PCDHA10: variants seen among roughly 807,000 people sequenced by gnomAD.
The protein encoded by PCDHA10 is protocadherin alpha-10.
In PCDHA10, 45 loss-of-function variants were observed where a neutral mutation model predicts 61.2. That is an observed-to-expected ratio of 0.74 (90% CI 0.58 to 0.94). The LOEUF (loss-of-function observed/expected upper bound fraction) is 0.94, where lower values mean the gene tolerates loss of function less well. Among genes scored for constraint, PCDHA10 ranks in the 40% least tolerant of loss-of-function variants. The pLI is 0.00. For synonymous variants in PCDHA10, 602 were observed against 548.8 expected (o/e 1.10, Z -1.35); for missense variants, 1,278 against 1,236.2 (o/e 1.03, Z -0.51).
rs17119334 is a variant in PCDHA10, at chr5:140,988,093, G to A, written c.2536+5530G>A. On this transcript the variant is annotated intron_variant, in intron 3 of 3. Coordinates refer to ENST00000307360, the MANE Select transcript of PCDHA10 (RefSeq NM_018901.4). ...CTATTTCATGAGTGAGTGCAGCCTCGGGCCTTGTTGGAGAATTTAGAAAGC... is the reference window on the plus strand; with the variant it reads ...CTATTTCATGAGTGAGTGCAGCCTCAGGCCTTGTTGGAGAATTTAGAAAGC... Among the ~76,000 whole-genome samples the A allele has an allele frequency of 6.9e-3, 1,055 of 152,154 alleles. 47 individuals are homozygous for A. The East Asian group carries it at 0.14, about 21-fold the overall frequency.
chr5:140,874,053 CAATTT>C (rs1290519215), intron 1 of PCDHA10, among the ~76,000 whole-genome samples: 1 of 152,190 alleles, frequency 6.6e-6, no homozygotes, highest in Non-Finnish European at 1.5e-5. Flanking sequence ...TGATATTAGA[CAATTT>C]AAATAATTAG....
chr5:141,000,393 CTCTATATATATA>C (rs1208951211), intron 3 of PCDHA10, among the ~76,000 whole-genome samples: 9 of 52,848 alleles, frequency 1.7e-4, no homozygotes, highest in African/African-American at 6.4e-4. Context: ...CTCTCTCTCT[CTCTATATATATA>C]TATATATATA....
chr5:140,929,679 G>T lies in PCDHA10; in HGVS notation c.2389-49270G>T, dbSNP rs142104946. ...ATTTAAAGTGAAGAATGAAAAATAT[G>T]TAAGAGTCTGCTTTATATGAATATA... On this transcript the variant is annotated intron_variant, in intron 1 of 3. Coordinates refer to ENST00000307360, the MANE Select transcript of PCDHA10 (RefSeq NM_018901.4). 2.7e-3 allele frequency: 822 copies of T among 303,170 alleles called. 4 individuals are homozygous for T. Among genetic ancestry groups the T allele is most frequent in the African/African-American group, 0.017 (768 of 46,460 alleles). The allele number at this position is 303,170 out of a possible 1,614,324, so 18.8% of individuals were successfully genotyped here. A position where few individuals can be genotyped will look rare whatever the true frequency, so the allele number is the denominator to read the frequency against.
chr5:140,909,202 G>A (rs1849054), intron 1 of PCDHA10, among the ~76,000 whole-genome samples: 48,059 of 152,084 alleles, frequency 0.32, 7,957 homozygotes, highest in East Asian at 0.53. Context: ...ACACAAAGCC[G>A]GAGAGTTGAT....
chr5:140,873,437 T>C (rs1554166716), intron 1 of PCDHA10, among the ~76,000 whole-genome samples: 1 of 152,200 alleles, frequency 6.6e-6, no homozygotes, highest in Non-Finnish European at 1.5e-5. Flanking sequence ...TTATATCACA[T>C]AAATAACAAA....
chr5:140,999,180 GAGA>G (rs1554256675), intron 3 of PCDHA10, among the ~76,000 whole-genome samples: 1 of 152,238 alleles, frequency 6.6e-6, no homozygotes, highest in East Asian at 1.9e-4. Context: ...GCCTGATGGG[GAGA>G]GGGTCCTTGG....
chr5:140,931,047 C>G (rs969815598), intron 1 of PCDHA10, among the ~76,000 whole-genome samples: 5 of 152,166 alleles, frequency 3.3e-5, no homozygotes, highest in African/African-American at 9.6e-5. Context: ...AGAAAAACTT[C>G]AATGCTGTGT....
At chr5:140,882,267 C>A in intron 1 of PCDHA10, 1 of 1,610,288 alleles carries the variant, frequency 6.2e-7, no homozygotes, top group Non-Finnish European at 8.5e-7. Context: ...TTGGAGTGTA[C>A]CATGCTGTCT....
At chr5:140,877,097 T>G in intron 1 of PCDHA10, 1 of 1,613,308 alleles carries the variant, frequency 6.2e-7, no homozygotes. Context: ...GACGCCGGCG[T>G]GCCGCCTCTG....
At chr5:140,969,347 G>C (rs1554231707) in intron 1 of PCDHA10, 1 of 1,613,472 alleles carries the variant, frequency 6.2e-7, no homozygotes, top group South Asian at 1.1e-5. Context: ...ACAGTGGTCA[G>C]GGGGTCTTCT....
At chr5:140,858,742 T>A in intron 1 of PCDHA10, 1 of 467,252 alleles carries the variant, frequency 2.1e-6, no homozygotes, top group African/African-American at 2.0e-5. Flanking sequence ...ACTTTCATAA[T>A]CACTTTTCGT....
At chr5:141,005,861 C>T (rs921854027) in intron 3 of PCDHA10, among the ~76,000 whole-genome samples, 2 of 151,860 alleles carry the variant, frequency 1.3e-5, no homozygotes, top group Admixed American at 6.6e-5. Flanking sequence ...ACAGGAGGGT[C>T]GATTGAGTCC....
intron 3 of PCDHA10, among the ~76,000 whole-genome samples, chr5:140,993,190 CTCACTAAAGCTAATTTTTT>C (rs2097544277): frequency 6.6e-6 from 1 of 152,022 alleles, no homozygotes; most frequent in Non-Finnish European, 1.5e-5. Flanking sequence ...TAGAGGGAAA[CTCACTAAAGCTAATTTTTT>C]TAGCTTTTTG....
intron 1 of PCDHA10, among the ~76,000 whole-genome samples, chr5:140,895,055 A>G (rs1313066261): frequency 6.6e-6 from 1 of 152,118 alleles, no homozygotes; most frequent in East Asian, 1.9e-4. Context: ...ATTCTGCTTC[A>G]TATGGACTCA....
At chr5:140,968,867 T>C (rs2153774451) in intron 1 of PCDHA10, 2 of 1,614,188 alleles carry the variant, frequency 1.2e-6, no homozygotes, top group Non-Finnish European at 1.7e-6. Flanking sequence ...CCCTCGGACA[T>C]ACTCTGAAAT....
chr5:140,858,566 G>A (rs2045486949), intron 1 of PCDHA10, 130 bp downstream of exon 1: 1 of 1,375,796 alleles, frequency 7.3e-7, no homozygotes, highest in African/African-American at 1.4e-5. Context: ...TATTTCTAGT[G>A]ATACCTTTGT....
At position 140,885,311 on chromosome 5, in the gene PCDHA10, T is replaced by C. The variant is rs3776122; in HGVS notation, c.2388+26875T>C. On this transcript the variant is annotated intron_variant, in intron 1 of 3. Transcript: ENST00000307360. Reference sequence around the variant, plus strand: ...AGAGAGAGACCTGGTAGGCTTTTTGTTATTATTTCTTTTCCAAAGTTTGAA... The same window carrying C: ...AGAGAGAGACCTGGTAGGCTTTTTGCTATTATTTCTTTTCCAAAGTTTGAA... Among the ~76,000 whole-genome samples, 52 of 152,304 alleles carry C rather than the reference T, an allele frequency of 3.4e-4. No individual in the cohort carries two copies. In the East Asian group the frequency reaches 7.5e-3, roughly 22 times the overall value.
At position 140,883,588 on chromosome 5, in the gene PCDHA10, C is replaced by A. The variant is rs781923113; in HGVS notation, c.2388+25152C>A. 5.6e-6 allele frequency: 9 copies of A among 1,613,794 alleles called. No homozygotes were observed. In the East Asian group the frequency reaches 6.7e-5, roughly 12 times the overall value. ...CGCCTTCGCTGTGGGCCACGGCCAG[C>A]GTGTCGGTGGGGGTGGCCGACGTGA... is the stretch of plus-strand genomic sequence containing the variant. On this transcript the variant is annotated intron_variant, in intron 1 of 3. Coordinates refer to ENST00000307360, the MANE Select transcript of PCDHA10 (RefSeq NM_018901.4).
At chr5:140,876,957 G>T (rs2056730695) in intron 1 of PCDHA10, 7 of 1,613,178 alleles carry the variant, frequency 4.3e-6, no homozygotes, top group Non-Finnish European at 5.9e-6. Context: ...ACTCGCTGGT[G>T]GAGCGGCGGG....
Sources: gnomAD v4.1 joint callset for allele counts (sites outside exome capture counted in the v4.1 genomes callset) on GRCh38, gnomAD v4.1.1 for gene constraint, MANE v1.5 for transcripts, NCBI Gene and HGNC (gene_info 2026-07-23, HGNC 2026-07-21) for gene names.